The following PAMR1 variants were observed in gnomAD, a reference collection of about 807,000 sequenced individuals.
PAMR1 encodes the protein inactive serine protease PAMR1.
PAMR1 carries 88 observed loss-of-function variants against 81.8 expected under a neutral mutation model. That is an observed-to-expected ratio of 1.08 (90% confidence interval 0.91 to 1.28). PAMR1 has a LOEUF of 1.28. PAMR1 is among the 50% of genes most tolerant of loss of function. PAMR1 has a pLI of 0.00. For synonymous variants in PAMR1, 336 were observed against 345.3 expected (o/e 0.97, Z 0.30); for missense variants, 935 against 919.7 (o/e 1.02, Z -0.21).
rs1414024718 is a variant in PAMR1, at chr11:35,474,673, C to T, written c.451G>A (p.Glu151Lys). 1 of 1,610,356 alleles carries T rather than the reference C, an allele frequency of 6.2e-7. No individual in the cohort carries two copies. Among genetic ancestry groups the T allele is most frequent in the Non-Finnish European group, 8.5e-7 (1 of 1,178,460 alleles). Reference sequence around the variant, plus strand: ...CCAGGTTTAGCATGAATGGTCCATTCACAGTGAGCATTTAGGGGATAGCTT... The same window carrying T: ...CCAGGTTTAGCATGAATGGTCCATTTACAGTGAGCATTTAGGGGATAGCTT... ...LESYPLNAHC[E>K]WTIHAKPGFV... is the part of the protein sequence containing the mutation. Residue 151 changes from glutamate to lysine, a missense_variant, in exon 4 of 11, where the codon GAA becomes AAA. Physicochemically the swap from Glu to Lys is moderately conservative, Grantham distance 56. Coordinates refer to ENST00000619888, the MANE Select transcript of PAMR1 (RefSeq NM_001001991.3).
upstream of PAMR1, among the ~76,000 whole-genome samples, chr11:35,529,263 T>C (rs1023810919): frequency 2.0e-5 from 3 of 152,222 alleles, no homozygotes; most frequent in Non-Finnish European, 4.4e-5. Context: ...GAGGGAGCCA[T>C]AGCCTTCTCA....
At chr11:35,491,806 T>C (rs1426577182) in intron 3 of PAMR1, among the ~76,000 whole-genome samples, 1 of 152,222 alleles carries the variant, frequency 6.6e-6, no homozygotes, top group Non-Finnish European at 1.5e-5. Flanking sequence ...TGGCCTCACT[T>C]AGGAAGAGGA....
At chr11:35,523,941 G>GT (rs1220445649) in intron 1 of PAMR1, among the ~76,000 whole-genome samples, 5 of 152,232 alleles carry the variant, frequency 3.3e-5, no homozygotes, top group African/African-American at 9.6e-5. Flanking sequence ...GCCAGCTCAG[G>GT]TTTTTTTATT....
intron 1 of PAMR1, among the ~76,000 whole-genome samples, chr11:35,494,761 G>C (rs1850695078): frequency 6.6e-6 from 1 of 152,192 alleles, no homozygotes; most frequent in South Asian, 2.1e-4. Context: ...CCAAAGTAGG[G>C]AGACCTACCC....
At chr11:35,527,492 G>A (rs1259779762), upstream of PAMR1, among the ~76,000 whole-genome samples, 1 of 152,122 alleles carries the variant, frequency 6.6e-6, no homozygotes, top group African/African-American at 2.4e-5. Flanking sequence ...GATGAAATCA[G>A]TTAAAATAAG....
rs1028375434 is a variant in PAMR1, at chr11:35,486,736, A to G, written c.379+5309T>C. 3.3e-5 allele frequency among the ~76,000 whole-genome samples: 5 copies of G among 152,336 alleles called. No homozygotes were observed. In the East Asian group the frequency reaches 9.6e-4, roughly 29 times the overall value. Reference sequence around the variant, plus strand: ...TCTGAATATTAATATTTTCTGTTTCATAACATTTGGGTGACTGCTATCCTT... The same window carrying G: ...TCTGAATATTAATATTTTCTGTTTCGTAACATTTGGGTGACTGCTATCCTT... On this transcript the variant is annotated intron_variant, in intron 3 of 10. Transcript: ENST00000619888.
At chr11:35,498,677 C>G (rs1028768428) in intron 1 of PAMR1, among the ~76,000 whole-genome samples, 1 of 152,182 alleles carries the variant, frequency 6.6e-6, no homozygotes, top group Non-Finnish European at 1.5e-5. Context: ...GAGGCCTATG[C>G]TCACCCGACT....
intron 6 of PAMR1, among the ~76,000 whole-genome samples, chr11:35,463,762 G>T (rs1856707894): frequency 6.6e-6 from 1 of 152,206 alleles, no homozygotes; most frequent in South Asian, 2.1e-4. Context: ...TCTAGGGCAG[G>T]TGAGGCCTGG....
At position 35,492,086 on chromosome 11, in the gene PAMR1, C is replaced by A; in HGVS notation, c.338G>T (p.Cys113Phe). The A allele has an allele frequency of 6.2e-7, 1 of 1,614,108 alleles. No homozygotes were observed. Among genetic ancestry groups the A allele is most frequent in the Non-Finnish European group, 8.5e-7 (1 of 1,179,978 alleles). The change falls in exon 3 of 11, where the codon TGT (cysteine) becomes TTT (phenylalanine). Residue 113 changes from cysteine (C) to phenylalanine (F), a missense_variant. Cys to Phe is a radical substitution (Grantham distance 205). Coordinates refer to ENST00000619888, the MANE Select transcript of PAMR1 (RefSeq NM_001001991.3). ...GTACCAGCCTGCTCGGCACTCTGCA[C>A]AGTAGAACCCCTTCACATAGAAGTC... ...LDDFYVKGFY[C>F]AECRAGWYGG...
chr11:35,439,766 T>C, intron 7 of PAMR1, 73 bp from the exon 8 acceptor site: 1 of 1,295,388 alleles, frequency 7.7e-7, no homozygotes. Flanking sequence ...TTCAGATTCA[T>C]ACCTGACCCC....
chr11:35,483,913 G>A (rs868663430), intron 3 of PAMR1, among the ~76,000 whole-genome samples: 5 of 152,126 alleles, frequency 3.3e-5, no homozygotes, highest in African/African-American at 1.2e-4. Flanking sequence ...ACAATACTTT[G>A]TCTGGTGAAG....
intron 1 of PAMR1, among the ~76,000 whole-genome samples, chr11:35,503,910 T>C (rs1003102573): frequency 2.0e-5 from 3 of 152,138 alleles, no homozygotes; most frequent in African/African-American, 7.2e-5. Flanking sequence ...TTATAATGAA[T>C]AATAAAAGTG....
intron 6 of PAMR1, among the ~76,000 whole-genome samples, chr11:35,446,038 A>G (rs552685126): frequency 6.6e-6 from 1 of 152,296 alleles, no homozygotes; most frequent in Admixed American, 6.5e-5. Context: ...CAGGGATTCA[A>G]ATTCTTCCTG....
chr11:35,502,714 G>A (rs1209799927), intron 1 of PAMR1, among the ~76,000 whole-genome samples: 3 of 151,994 alleles, frequency 2.0e-5, no homozygotes, highest in Non-Finnish European at 2.9e-5. Context: ...AGTTGTTTTA[G>A]CACATTGTAT....
At chr11:35,522,131 C>T (rs1851296480) in intron 1 of PAMR1, among the ~76,000 whole-genome samples, 1 of 152,078 alleles carries the variant, frequency 6.6e-6, no homozygotes, top group Non-Finnish European at 1.5e-5. Context: ...ACTGTGTTAG[C>T]CAGGATGGCC....
rs147203964 is a variant in PAMR1, at chr11:35,432,737, G to A, written c.1782C>T (p.Ser594=). 4.7e-4 allele frequency: 756 copies of A among 1,614,098 alleles called. No homozygotes were observed. Among genetic ancestry groups the A allele is most frequent in the South Asian group, 6.4e-4 (58 of 91,076 alleles). ...SRDLSTSFQE[S]HITVAGWNVL... is the part of the protein sequence containing the mutation. The stretch of plus-strand genomic sequence containing the variant: ...CATTCCAGCCAGCCACAGTGATGTG[G>A]GACTCCTGGAAGGAAGTGCTGAGAT... The change falls in exon 11 of 11, where the codon TCC becomes TCT. Residue 594 remains serine, a synonymous_variant. Coordinates refer to ENST00000619888, the MANE Select transcript of PAMR1 (RefSeq NM_001001991.3).
chr11:35,434,931 A>T, intron 9 of PAMR1, 127 bp from the exon 10 acceptor site: 1 of 821,822 alleles, frequency 1.2e-6, no homozygotes, highest in Non-Finnish European at 1.9e-6. Flanking sequence ...CACTAAGATA[A>T]GTAACCCAGT....
chr11:35,514,660 G>T (rs1319323333), intron 1 of PAMR1, among the ~76,000 whole-genome samples: 1 of 152,150 alleles, frequency 6.6e-6, no homozygotes, highest in African/African-American at 2.4e-5. Context: ...ATTAGCATTG[G>T]TTACTGAATA....
chr11:35,466,007 A>T (rs1322641171), intron 6 of PAMR1, among the ~76,000 whole-genome samples: 1 of 151,946 alleles, frequency 6.6e-6, no homozygotes, highest in Admixed American at 6.6e-5. Context: ...TTTCTTTCCT[A>T]ATTTGACTCA....
Sources: allele counts gnomAD v4.1 joint callset (sites outside exome capture counted in the v4.1 genomes callset), GRCh38; gene constraint gnomAD v4.1.1; transcripts MANE v1.5; gene names NCBI Gene and HGNC (gene_info 2026-07-23, HGNC 2026-07-21).